SH3RF3: variants seen among roughly 807,000 people sequenced by gnomAD.
SH3RF3 encodes the protein E3 ubiquitin-protein ligase SH3RF3.
SH3RF3 carries 29 observed loss-of-function variants against 66.3 expected under a neutral mutation model. The observed-to-expected ratio is 0.44, with a 90% CI of 0.33 to 0.60. SH3RF3 has a LOEUF of 0.60. Among genes scored for constraint, SH3RF3 ranks in the 20% least tolerant of loss-of-function variants. The probability of loss-of-function intolerance (pLI) is 0.04; values close to 1 mark genes in which losing one functional copy is unlikely to be tolerated. For synonymous variants in SH3RF3, 583 were observed against 532.0 expected, an observed-to-expected ratio of 1.10 and a Z score of -1.32; for missense variants, 1,194 against 1,190.9, an observed-to-expected ratio of 1.00 and a Z score of -0.04.
chr2:109,276,242 G>A (rs1374886885), intron 1 of SH3RF3, among the ~76,000 whole-genome samples: 2 of 152,218 alleles, frequency 1.3e-5, no homozygotes, highest in Non-Finnish European at 2.9e-5. Flanking sequence ...CCTGGAGGTG[G>A]CATACGCTCA....
intron 1 of SH3RF3, among the ~76,000 whole-genome samples, chr2:109,200,066 A>G (rs1388775302): frequency 6.6e-6 from 1 of 152,152 alleles, no homozygotes; most frequent in East Asian, 1.9e-4. Flanking sequence ...ACCAGTGGCC[A>G]GGGTAAGAAA....
chr2:109,500,622 G>GA (rs994991502), intron 9 of SH3RF3, among the ~76,000 whole-genome samples: 1 of 152,134 alleles, frequency 6.6e-6, no homozygotes, highest in African/African-American at 2.4e-5. Flanking sequence ...AAGGCACTGG[G>GA]AAAAAAATCT....
chr2:109,433,228 C>A (rs775557348), intron 6 of SH3RF3, among the ~76,000 whole-genome samples: 1 of 152,164 alleles, frequency 6.6e-6, no homozygotes, highest in East Asian at 1.9e-4. Flanking sequence ...CATATATAGA[C>A]GTGTGATATG....
chr2:109,354,669 G>GACT lies in SH3RF3; in HGVS notation c.849+6720_849+6721insACT, dbSNP rs375127923. Among the ~76,000 whole-genome samples the GACT allele has an allele frequency of 2.5e-3, 380 of 152,362 alleles. 1 individual carries two copies. Among genetic ancestry groups the GACT allele is most frequent in the African/African-American group, 8.2e-3 (343 of 41,580 alleles). On this transcript the variant is annotated intron_variant, in intron 2 of 9. Transcript: ENST00000309415. ...GCCTTTGTAGTGGTGTCAAAGGGCA[G>GACT]TGTGCTCCGCCAGCCACCTCCAGTG...
At chr2:109,351,872 C>T (rs958487246) in intron 2 of SH3RF3, among the ~76,000 whole-genome samples, 1 of 152,234 alleles carries the variant, frequency 6.6e-6, no homozygotes, top group African/African-American at 2.4e-5. Context: ...ATGTGACCTT[C>T]TTATGCTGCT....
chr2:109,160,305 G>T (rs13027539), intron 1 of SH3RF3, among the ~76,000 whole-genome samples: 59,707 of 152,142 alleles, frequency 0.39, 14,999 homozygotes, highest in Non-Finnish European at 0.56. Flanking sequence ...GAGGAGGCCA[G>T]AGAGGGCTTT....
chr2:109,341,419 T>C (rs1385628268), intron 1 of SH3RF3, among the ~76,000 whole-genome samples: 1 of 152,198 alleles, frequency 6.6e-6, no homozygotes, highest in Non-Finnish European at 1.5e-5. Flanking sequence ...TTGAAAGTGC[T>C]TTTCAAAGAT....
chr2:109,201,134 C>T (rs562627654), intron 1 of SH3RF3, among the ~76,000 whole-genome samples: 39 of 152,348 alleles, frequency 2.6e-4, no homozygotes, highest in African/African-American at 7.7e-4. Context: ...ATATCAGGTA[C>T]GGCTCTGGCT....
At chr2:109,441,928 C>T (rs540072359) in intron 7 of SH3RF3, among the ~76,000 whole-genome samples, 8 of 150,696 alleles carry the variant, frequency 5.3e-5, no homozygotes, top group African/African-American at 1.9e-4. Flanking sequence ...CAATCTAGTA[C>T]TCTACTCCCA....
chr2:109,200,549 C>G (rs1678645139), intron 1 of SH3RF3, among the ~76,000 whole-genome samples: 1 of 152,162 alleles, frequency 6.6e-6, no homozygotes, highest in African/African-American at 2.4e-5. Flanking sequence ...CTCCAGGCTC[C>G]CGGCCTCCAG....
rs775604626 is a variant in SH3RF3, at chr2:109,241,768, A to T, written c.574-105906A>T. 4.2e-5 allele frequency among the ~76,000 whole-genome samples: 6 copies of T among 143,508 alleles called. No individual in the cohort carries two copies. In the South Asian group the frequency reaches 6.7e-4, roughly 16 times the overall value. 94.1% of individuals were successfully genotyped at this position (143,508 alleles called of 152,430 possible). A position where few individuals can be genotyped will look rare whatever the true frequency, so the allele number is the denominator to read the frequency against. On this transcript the variant is annotated intron_variant, in intron 1 of 9. Coordinates refer to ENST00000309415, the MANE Select transcript of SH3RF3 (RefSeq NM_001099289.3). ...GCGTGTTTCCCTAGTGTCTTGAATA[A>T]TTTTTTTTTTTTTTTGAGATGGAGT...
chr2:109,428,289 C>G (rs1418483547), intron 5 of SH3RF3, among the ~76,000 whole-genome samples: 2 of 152,268 alleles, frequency 1.3e-5, no homozygotes, highest in Non-Finnish European at 2.9e-5. Context: ...CACTAAAATA[C>G]TTTGGTTTAC....
intron 1 of SH3RF3, among the ~76,000 whole-genome samples, chr2:109,320,979 T>C (rs1409906738): frequency 6.6e-6 from 1 of 152,228 alleles, no homozygotes; most frequent in Non-Finnish European, 1.5e-5. Flanking sequence ...ATGGATTAGA[T>C]TGTATGTAAG....
intron 7 of SH3RF3, among the ~76,000 whole-genome samples, chr2:109,440,972 G>T (rs1415804131): frequency 6.6e-6 from 1 of 152,012 alleles, no homozygotes; most frequent in Non-Finnish European, 1.5e-5. Context: ...AAATCACCAG[G>T]CATTGAGTAA....
intron 4 of SH3RF3, among the ~76,000 whole-genome samples, chr2:109,410,763 T>A (rs1029088624): frequency 6.6e-6 from 1 of 152,198 alleles, no homozygotes; most frequent in Non-Finnish European, 1.5e-5. Flanking sequence ...CGTACTTTAT[T>A]ATAGTCAGAG....
intron 1 of SH3RF3, among the ~76,000 whole-genome samples, chr2:109,158,379 G>C (rs946850960): frequency 1.3e-5 from 2 of 152,220 alleles, no homozygotes; most frequent in Admixed American, 1.3e-4. Context: ...AGAATCCAGT[G>C]TGTAAGTGCA....
At chr2:109,171,576 G>T (rs150463671) in intron 1 of SH3RF3, among the ~76,000 whole-genome samples, 9 of 152,352 alleles carry the variant, frequency 5.9e-5, no homozygotes, top group Middle Eastern at 6.8e-3. Flanking sequence ...CGGAGCACAG[G>T]GAGCTATTTC....
chr2:109,292,570 C>T (rs1681212600), intron 1 of SH3RF3, among the ~76,000 whole-genome samples: 1 of 152,206 alleles, frequency 6.6e-6, no homozygotes, highest in Non-Finnish European at 1.5e-5. Context: ...ACATCATCCC[C>T]TAGTTTCACA....
intron 1 of SH3RF3, among the ~76,000 whole-genome samples, chr2:109,322,561 A>G (rs1288293557): frequency 6.6e-6 from 1 of 152,244 alleles, no homozygotes; most frequent in Non-Finnish European, 1.5e-5. Context: ...GTGTGCACTG[A>G]TTTTGAGAGT....
Sources: allele counts gnomAD v4.1 joint callset (sites outside exome capture counted in the v4.1 genomes callset), GRCh38; gene constraint gnomAD v4.1.1; transcripts MANE v1.5; gene names NCBI Gene and HGNC (gene_info 2026-07-23, HGNC 2026-07-21).